MECOM: variants seen among roughly 807,000 people sequenced by gnomAD.
The protein encoded by MECOM is histone-lysine N-methyltransferase MECOM.
MECOM carries 13 observed loss-of-function variants against 116.3 expected under a neutral mutation model. That is an observed-to-expected ratio of 0.11 (90% CI 0.07 to 0.18). The LOEUF (loss-of-function observed/expected upper bound fraction) is 0.18. Among genes scored for constraint, MECOM ranks in the 10% least tolerant of loss-of-function variants. MECOM has a pLI of 1.00. For missense variants in MECOM, 1,299 were observed against 1,509.0 expected (o/e 0.86, Z 2.31); for synonymous variants, 528 against 535.2 (o/e 0.99, Z 0.19).
chr3:169,590,039 A>G (rs1323253381), intron 1 of MECOM, among the ~76,000 whole-genome samples: 1 of 152,188 alleles, frequency 6.6e-6, no homozygotes, highest in Non-Finnish European at 1.5e-5. Flanking sequence ...ATGAATCTCC[A>G]CATGCCTTCC....
At chr3:169,609,457 A>AT (rs5854341) in intron 1 of MECOM, among the ~76,000 whole-genome samples, 5,383 of 149,242 alleles carry the variant, frequency 0.036, 308 homozygotes, top group African/African-American at 0.12. Flanking sequence ...TCAGTTAATC[A>AT]TTTTTTTTTT....
At chr3:169,414,832 G>GA (rs1352435557) in intron 1 of MECOM, among the ~76,000 whole-genome samples, 1 of 152,030 alleles carries the variant, frequency 6.6e-6, no homozygotes, top group Non-Finnish European at 1.5e-5. Flanking sequence ...CAAGATTAGA[G>GA]AAAAAAGAAT....
Position 169,372,825 on chromosome 3 carries a change from A to G in MECOM, c.375+8362T>C, listed in dbSNP as rs548333025. On this transcript the variant is annotated intron_variant, in intron 2 of 16. Transcript: ENST00000651503. Reference sequence around the variant, plus strand: ...AATTATTATTCCTACGTGACATGTAAATAAACTGAGGGGCAGATAATTAAA... The same window carrying G: ...AATTATTATTCCTACGTGACATGTAGATAAACTGAGGGGCAGATAATTAAA... Among the ~76,000 whole-genome samples the G allele has an allele frequency of 6.6e-5, 10 of 152,070 alleles. No homozygotes were observed. In the South Asian group the frequency reaches 2.1e-3, roughly 32 times the overall value.
chr3:169,594,571 A>C (rs1208197509), intron 1 of MECOM, among the ~76,000 whole-genome samples: 4 of 151,966 alleles, frequency 2.6e-5, no homozygotes, highest in African/African-American at 9.7e-5. Context: ...CTGAAGGAAT[A>C]CTGGGAGAAG....
chr3:169,564,207 G>T (rs977705362), intron 1 of MECOM, among the ~76,000 whole-genome samples: 1 of 152,020 alleles, frequency 6.6e-6, no homozygotes, highest in African/African-American at 2.4e-5. Context: ...TCACTAAGAC[G>T]ACTCAAACAT....
intron 10 of MECOM, among the ~76,000 whole-genome samples, chr3:169,107,080 T>A (rs560036467): frequency 6.6e-6 from 1 of 152,272 alleles, no homozygotes; most frequent in Admixed American, 6.5e-5. Flanking sequence ...AATGCTTCAA[T>A]TAAGTTTATA....
chr3:169,375,008 C>G (rs1396150136), intron 2 of MECOM, among the ~76,000 whole-genome samples: 1 of 151,704 alleles, frequency 6.6e-6, no homozygotes, highest in African/African-American at 2.4e-5. Context: ...GCCTGGGTGA[C>G]ATAGACAAAG....
chr3:169,400,522 G>A (rs540395685), intron 1 of MECOM, among the ~76,000 whole-genome samples: 1 of 152,140 alleles, frequency 6.6e-6, no homozygotes, highest in African/African-American at 2.4e-5. Flanking sequence ...GTGTCACTTT[G>A]TTTAAATGTC....
At chr3:169,165,588 C>A (rs975417018) in intron 2 of MECOM, among the ~76,000 whole-genome samples, 16 of 152,266 alleles carry the variant, frequency 1.1e-4, no homozygotes, top group African/African-American at 3.8e-4. Context: ...TATACACGAT[C>A]TTGCAAGGCA....
chr3:169,388,385 A>G (rs1733721040), intron 1 of MECOM, among the ~76,000 whole-genome samples: 1 of 152,138 alleles, frequency 6.6e-6, no homozygotes. Context: ...GCTTGGGGAA[A>G]AGGGTGGAGC....
In MECOM at chr3:169,445,939, C is replaced by T. The variant is rs182680837; in HGVS notation, c.38-64415G>A. ...GGGCCCTGTAACCCCTTTGTTTTGG[C>T]CAGTTTCTCCCATTTGGAATGGCTG... On this transcript the variant is annotated intron_variant, in intron 1 of 16. Transcript: ENST00000651503. Among the ~76,000 whole-genome samples, 23 of 152,274 alleles carry T rather than the reference C, an allele frequency of 1.5e-4. 1 individual carries two copies. The East Asian group carries it at 4.4e-3, about 29-fold the overall frequency.
intron 2 of MECOM, among the ~76,000 whole-genome samples, chr3:169,223,272 TC>T (rs1553772334): frequency 3.8e-5 from 1 of 26,402 alleles, no homozygotes; most frequent in Non-Finnish European, 9.2e-5. Context: ...ATGCTATCCC[TC>T]CCCCCTCCCC....
At chr3:169,131,608 A>C (rs758485754) in intron 3 of MECOM, 77 bp from the exon 4 acceptor site, 6 of 1,108,198 alleles carry the variant, frequency 5.4e-6, no homozygotes, top group Non-Finnish European at 8.0e-6. Context: ...CAAGATATAC[A>C]CTAAGATACC....
intron 2 of MECOM, among the ~76,000 whole-genome samples, chr3:169,190,377 A>G (rs867247868): frequency 2.6e-5 from 4 of 152,046 alleles, no homozygotes; most frequent in Admixed American, 1.3e-4. Flanking sequence ...CCCATTTCAT[A>G]ACTCCAGAAT....
chr3:169,312,483 C>T (rs954758047), intron 2 of MECOM, among the ~76,000 whole-genome samples: 1 of 151,652 alleles, frequency 6.6e-6, no homozygotes, highest in African/African-American at 2.4e-5. Flanking sequence ...ATTCTCCTGC[C>T]TCAGCCTCCC....
chr3:169,530,525 A>T (rs1758489952), intron 1 of MECOM, among the ~76,000 whole-genome samples: 1 of 152,126 alleles, frequency 6.6e-6, no homozygotes, highest in South Asian at 2.1e-4. Context: ...AGCCCTAAAA[A>T]TGAGATTCCA....
intron 2 of MECOM, among the ~76,000 whole-genome samples, chr3:169,338,642 T>C (rs946012774): frequency 1.3e-5 from 2 of 149,092 alleles, no homozygotes; most frequent in Admixed American, 6.7e-5. Context: ...TTGGGAAGCA[T>C]AGAAGCTGCA....
chr3:169,349,266 T>C (rs1030872349), intron 2 of MECOM, among the ~76,000 whole-genome samples: 6 of 151,960 alleles, frequency 3.9e-5, no homozygotes, highest in Non-Finnish European at 7.4e-5. Flanking sequence ...AAACTTGGCA[T>C]GTTTCTCATT....
chr3:169,568,890 C>T (rs530029072), intron 1 of MECOM, among the ~76,000 whole-genome samples: 1 of 152,160 alleles, frequency 6.6e-6, no homozygotes, highest in Non-Finnish European at 1.5e-5. Flanking sequence ...GAAAAACATA[C>T]CAAATTGTAA....
Sources: allele counts gnomAD v4.1 joint callset (sites outside exome capture counted in the v4.1 genomes callset), GRCh38; gene constraint gnomAD v4.1.1; transcripts MANE v1.5; gene names NCBI Gene and HGNC (gene_info 2026-07-23, HGNC 2026-07-21).